The following DENND6A variants were observed in gnomAD, a reference collection of about 807,000 sequenced individuals.
The protein encoded by DENND6A is DENN domain containing 6A.
In DENND6A, 43 loss-of-function variants were observed where a neutral mutation model predicts 95.5. The observed-to-expected ratio is 0.45, with a 90% confidence interval of 0.35 to 0.58. The LOEUF (loss-of-function observed/expected upper bound fraction) is 0.58, where lower values mean the gene tolerates loss of function less well. DENND6A is among the 20% of genes least tolerant of loss of function. The pLI, the probability that DENND6A is intolerant of heterozygous loss-of-function variation, is 0.00. For synonymous variants in DENND6A, 257 were observed against 260.4 expected, an observed-to-expected ratio of 0.99 and a Z score of 0.13; for missense variants, 574 against 736.0, an observed-to-expected ratio of 0.78 and a Z score of 2.55.
chr3:57,678,762 C>G (rs7616604), intron 1 of DENND6A, among the ~76,000 whole-genome samples: 113,654 of 152,186 alleles, frequency 0.75, 44,578 homozygotes, highest in East Asian at 1. Flanking sequence ...TAAGCAACTT[C>G]ATTTTAAACT....
chr3:57,669,843 G>C (rs1282252605), intron 3 of DENND6A, among the ~76,000 whole-genome samples: 1 of 151,568 alleles, frequency 6.6e-6, no homozygotes, highest in Non-Finnish European at 1.5e-5. Context: ...CCAACACAGT[G>C]AAACCCCATC....
intron 5 of DENND6A, among the ~76,000 whole-genome samples, chr3:57,662,199 T>C (rs1351555612): frequency 7.2e-6 from 1 of 138,102 alleles, no homozygotes; most frequent in African/African-American, 2.7e-5. Flanking sequence ...TTTTTTTTTT[T>C]TTTTTTTTTG....
intron 4 of DENND6A, among the ~76,000 whole-genome samples, chr3:57,665,772 C>T (rs771353493): frequency 6.6e-6 from 1 of 152,026 alleles, no homozygotes; most frequent in African/African-American, 2.4e-5. Flanking sequence ...AAAGAGACAA[C>T]TATGTTATCA....
At chr3:57,638,723 A>G (rs116019820) in intron 12 of DENND6A, among the ~76,000 whole-genome samples, 5,704 of 152,224 alleles carry the variant, frequency 0.037, 139 homozygotes, top group African/African-American at 0.051. Flanking sequence ...AAGATACTCA[A>G]TATCACCGAT....
At chr3:57,652,797 T>C (rs1218707144) in intron 9 of DENND6A, among the ~76,000 whole-genome samples, 1 of 152,046 alleles carries the variant, frequency 6.6e-6, no homozygotes, top group Non-Finnish European at 1.5e-5. Flanking sequence ...TACCAGACAA[T>C]CCTAAACTGA....
chr3:57,692,648 C>T, intron 1 of DENND6A, 134 bp downstream of exon 1: 1 of 776,380 alleles, frequency 1.3e-6, no homozygotes, highest in Non-Finnish European at 1.9e-6. Flanking sequence ...CGAAAGAGCG[C>T]GGGAGGGGAG....
Position 57,628,916 on chromosome 3 carries a change from T to A in DENND6A, c.1621-31A>T. On this transcript the variant is annotated intron_variant, in intron 18 of 19. Transcript: ENST00000311128. ...ATAAATAAAGTCCCAAATCAGTAAG[T>A]TCTCAAAATAATATTCAAACCTCTC... The A allele has an allele frequency of 1.9e-6, 3 of 1,584,788 alleles. No homozygotes were observed. The South Asian group carries it at 3.4e-5, about 18-fold the overall frequency.
Position 57,627,001 on chromosome 3 carries a change from T to C in DENND6A, c.*1213A>G, listed in dbSNP as rs1175994565. ...TATCATCACTCAAATAAGTATCACA[T>C]AAAAAACTCATGAATGCCTTTGAAA... On this transcript the variant is annotated 3_prime_UTR_variant, in exon 20 of 20. Coordinates refer to ENST00000311128, the MANE Select transcript of DENND6A (RefSeq NM_152678.3). The C allele has an allele frequency of 1.3e-5, 2 of 152,100 alleles. No individual in the cohort carries two copies. Among genetic ancestry groups the C allele is most frequent in the Non-Finnish European group, 2.9e-5 (2 of 67,996 alleles). The allele number at this position is 152,100 out of a possible 1,614,324, so 9.4% of individuals were successfully genotyped here.
chr3:57,644,889 TTGA>T (rs986323047), intron 11 of DENND6A, among the ~76,000 whole-genome samples: 1 of 146,298 alleles, frequency 6.8e-6, no homozygotes, highest in African/African-American at 2.6e-5. Flanking sequence ...GAGAAGGGTA[TTGA>T]TGATCTGGCA....
intron 3 of DENND6A, among the ~76,000 whole-genome samples, chr3:57,670,911 T>C (rs1282184015): frequency 6.6e-6 from 1 of 152,192 alleles, no homozygotes; most frequent in Non-Finnish European, 1.5e-5. Flanking sequence ...ATAAGAAGTG[T>C]ATGTACAGAT....
intron 12 of DENND6A, among the ~76,000 whole-genome samples, chr3:57,637,814 TA>T (rs1305123670): frequency 1.9e-4 from 5 of 26,372 alleles, no homozygotes; most frequent in Non-Finnish European, 1.2e-3. Flanking sequence ...ACAAAAAAAA[TA>T]AATAAATAAG....
At position 57,692,781 on chromosome 3, in the gene DENND6A, C is replaced by T; in HGVS notation, c.237+1G>A. The T allele has an allele frequency of 6.6e-7, 1 of 1,516,002 alleles. No individual in the cohort carries two copies. The highest frequency in any genetic ancestry group is 8.8e-7 in the Non-Finnish European group (1 of 1,137,422). 93.9% of individuals were successfully genotyped at this position (1,516,002 alleles called of 1,614,324 possible). A position where few individuals can be genotyped will look rare whatever the true frequency, so the allele number is the denominator to read the frequency against. On this transcript the variant is annotated splice_donor_variant, in intron 1 of 19. Coordinates refer to ENST00000311128, the MANE Select transcript of DENND6A (RefSeq NM_152678.3). LOFTEE classifies it high-confidence loss of function. ...CGAGAAAGGGCGGGGCCGGGCCTCA[C>T]CTCCACGGCCTGGCCCAGCTCCAGG...
chr3:57,630,606 G>T (rs1038537512), intron 17 of DENND6A, 83 bp from the exon 18 acceptor site: 5 of 1,521,490 alleles, frequency 3.3e-6, no homozygotes, highest in Non-Finnish European at 4.4e-6. Context: ...AGAGAACCAT[G>T]TCAAACTTTA....
At chr3:57,659,815 C>T (rs1431557116) in intron 7 of DENND6A, among the ~76,000 whole-genome samples, 2 of 152,204 alleles carry the variant, frequency 1.3e-5, no homozygotes, top group East Asian at 3.8e-4. Context: ...GTGTTAAGAA[C>T]ATCACTTAGG....
At chr3:57,666,081 T>C (rs1203380827) in intron 4 of DENND6A, 42 bp downstream of exon 4, 2 of 1,541,172 alleles carry the variant, frequency 1.3e-6, no homozygotes, top group Non-Finnish European at 8.9e-7. Context: ...AGTTCTAAAG[T>C]TTCCTCTCAC....
intron 1 of DENND6A, among the ~76,000 whole-genome samples, chr3:57,676,375 T>TAAA (rs35465829): frequency 0.019 from 1,696 of 87,238 alleles, 32 homozygotes; most frequent in South Asian, 0.047. Context: ...TAAGATTATT[T>TAAA]AAAAAAAAAA....
At chr3:57,684,419 T>C (rs2077193826) in intron 1 of DENND6A, among the ~76,000 whole-genome samples, 1 of 152,088 alleles carries the variant, frequency 6.6e-6, no homozygotes, top group Non-Finnish European at 1.5e-5. Flanking sequence ...GCTGAGATCG[T>C]GCCACTGCAC....
chr3:57,662,700 G>C (rs1485827935), intron 5 of DENND6A, among the ~76,000 whole-genome samples: 1 of 151,922 alleles, frequency 6.6e-6, no homozygotes, highest in East Asian at 1.9e-4. Flanking sequence ...TCTGGCTTTT[G>C]ACAGAATCCT....
At chr3:57,678,164 A>G (rs1232656733) in intron 1 of DENND6A, among the ~76,000 whole-genome samples, 1 of 152,230 alleles carries the variant, frequency 6.6e-6, no homozygotes, top group Non-Finnish European at 1.5e-5. Flanking sequence ...TGGCATTCAT[A>G]GGATAATTTC....
Sources: gnomAD v4.1 joint callset for allele counts (sites outside exome capture counted in the v4.1 genomes callset) on GRCh38, gnomAD v4.1.1 for gene constraint, MANE v1.5 for transcripts, NCBI Gene and HGNC (gene_info 2026-07-23, HGNC 2026-07-21) for gene names.